POFUT3: variants seen among roughly 807,000 people sequenced by gnomAD.
The protein encoded by POFUT3 is protein O-fucosyltransferase 3.
the POFUT3 span, among the ~76,000 whole-genome samples, chr8:33,394,661 C>T: frequency 6.6e-6 from 1 of 150,740 alleles, no homozygotes; most frequent in Non-Finnish European, 1.5e-5. Flanking sequence ...AAAGGTTTTG[C>T]TCTTAAAAAT....
the POFUT3 span, among the ~76,000 whole-genome samples, chr8:33,377,258 A>G: frequency 6.6e-6 from 1 of 152,156 alleles, no homozygotes; most frequent in African/African-American, 2.4e-5. Context: ...ATTGACTATA[A>G]AAGGGGAAGT....
the POFUT3 span, among the ~76,000 whole-genome samples, chr8:33,391,371 C>G: frequency 1.3e-5 from 2 of 152,184 alleles, no homozygotes; most frequent in Non-Finnish European, 2.9e-5. Context: ...CAATGACGTA[C>G]TAACGTAAAA....
At chr8:33,407,987 CAAAAAAA>C in the POFUT3 span, among the ~76,000 whole-genome samples, 1 of 83,766 alleles carries the variant, frequency 1.2e-5, no homozygotes. Context: ...GACTCCATCT[CAAAAAAA>C]AAAAAAAAAA....
At chr8:33,448,844 G>T in the POFUT3 span, among the ~76,000 whole-genome samples, 1,881 of 152,034 alleles carry the variant, frequency 0.012, 45 homozygotes, top group African/African-American at 0.043. Context: ...TGAGGCAGGA[G>T]AATCGCCTGA....
At chr8:33,312,766 T>C in the POFUT3 span, among the ~76,000 whole-genome samples, 1 of 152,140 alleles carries the variant, frequency 6.6e-6, no homozygotes, top group Non-Finnish European at 1.5e-5. Flanking sequence ...GAACGCTATT[T>C]CCATCCTTTC....
the POFUT3 span, among the ~76,000 whole-genome samples, chr8:33,469,828 T>G: frequency 7.9e-5 from 9 of 113,432 alleles, no homozygotes; most frequent in East Asian, 1.9e-3. Flanking sequence ...TTTTTTGAGA[T>G]GGAGTCTCAC....
At chr8:33,373,291 GT>G in the POFUT3 span, among the ~76,000 whole-genome samples, 1 of 151,944 alleles carries the variant, frequency 6.6e-6, no homozygotes, top group Non-Finnish European at 1.5e-5. Context: ...ATATGTTATT[GT>G]ATGTCTCATT....
the POFUT3 span, among the ~76,000 whole-genome samples, chr8:33,467,149 T>C: frequency 6.6e-6 from 1 of 150,618 alleles, no homozygotes; most frequent in Admixed American, 6.6e-5. Context: ...GGCATGCACC[T>C]GTAGTCCCAG....
chr8:33,433,767 G>A, the POFUT3 span, among the ~76,000 whole-genome samples: 8 of 151,246 alleles, frequency 5.3e-5, no homozygotes, highest in African/African-American at 1.5e-4. Context: ...CTGGGTGACA[G>A]AGCAAGATTC....
At chr8:33,405,431 C>G in the POFUT3 span, among the ~76,000 whole-genome samples, 1 of 152,004 alleles carries the variant, frequency 6.6e-6, no homozygotes, top group South Asian at 2.1e-4. Context: ...AGTGGCACTA[C>G]CACCTCATTA....
the POFUT3 span, among the ~76,000 whole-genome samples, chr8:33,329,538 A>C: frequency 6.6e-6 from 1 of 152,170 alleles, no homozygotes; most frequent in South Asian, 2.1e-4. Flanking sequence ...TCTATGACAC[A>C]ACTGCTCAAT....
the POFUT3 span, among the ~76,000 whole-genome samples, chr8:33,381,614 G>A: frequency 6.6e-6 from 1 of 152,204 alleles, no homozygotes; most frequent in African/African-American, 2.4e-5. Context: ...ACCAAAGGAT[G>A]TCTTATGCTA....
At chr8:33,345,608 C>T in the POFUT3 span, among the ~76,000 whole-genome samples, 1 of 150,776 alleles carries the variant, frequency 6.6e-6, no homozygotes, top group Admixed American at 6.6e-5. Flanking sequence ...ACCATGTTGA[C>T]CAGGCTGGTT....
At chr8:33,447,515 C>T in the POFUT3 span, among the ~76,000 whole-genome samples, 1 of 152,044 alleles carries the variant, frequency 6.6e-6, no homozygotes, top group Non-Finnish European at 1.5e-5. Flanking sequence ...AAAAAAATAA[C>T]TCCTTCAGTG....
chr8:33,336,923 A>C, the POFUT3 span, among the ~76,000 whole-genome samples: 1 of 152,202 alleles, frequency 6.6e-6, no homozygotes, highest in Non-Finnish European at 1.5e-5. Flanking sequence ...CACCTATGCC[A>C]CTGAACAGGC....
At chr8:33,451,458 GTGTA>G in the POFUT3 span, among the ~76,000 whole-genome samples, 4 of 152,008 alleles carry the variant, frequency 2.6e-5, no homozygotes, top group African/African-American at 9.7e-5. Context: ...ATGTGTATAT[GTGTA>G]TGTATATGTG....
chr8:33,345,632 G>T, the POFUT3 span, among the ~76,000 whole-genome samples: 3 of 151,022 alleles, frequency 2.0e-5, no homozygotes, highest in East Asian at 5.9e-4. Flanking sequence ...AACTCCTGAC[G>T]TCAAGTGATC....
At chr8:33,311,132 G>A in the POFUT3 span, among the ~76,000 whole-genome samples, 2 of 152,250 alleles carry the variant, frequency 1.3e-5, no homozygotes, top group East Asian at 1.9e-4. Flanking sequence ...TATTCTCCTT[G>A]CTTTATTTGC....
the POFUT3 span, among the ~76,000 whole-genome samples, chr8:33,351,607 C>A: frequency 6.6e-6 from 1 of 152,132 alleles, no homozygotes; most frequent in Non-Finnish European, 1.5e-5. Flanking sequence ...CAGCCTAAAG[C>A]CTTCATTATA....
Sources: allele counts gnomAD v4.1 joint callset (sites outside exome capture counted in the v4.1 genomes callset), GRCh38; gene constraint gnomAD v4.1.1; transcripts MANE v1.5; gene names NCBI Gene and HGNC (gene_info 2026-07-23, HGNC 2026-07-21).